PRORP: variants seen among roughly 807,000 people sequenced by gnomAD.
PRORP encodes mitochondrial ribonuclease P catalytic subunit.
Under a neutral mutation model 59.4 loss-of-function variants are expected in PRORP, and 51 were observed. The ratio of observed to expected loss-of-function variants is 0.86; its 90% CI spans 0.69 to 1.08. PRORP has a LOEUF of 1.08. PRORP is among the 50% of genes least tolerant of loss of function. The pLI is 0.00. For synonymous variants in PRORP, 231 were observed against 245.6 expected (o/e 0.94, Z 0.55); for missense variants, 646 against 690.3 (o/e 0.94, Z 0.72).
chr14:35,247,334 A>G (rs1018981250), intron 5 of PRORP, among the ~76,000 whole-genome samples: 1 of 151,432 alleles, frequency 6.6e-6, no homozygotes, highest in African/African-American at 2.4e-5. Flanking sequence ...TTCTCTTACT[A>G]TTTTTTCTGC....
intron 5 of PRORP, chr14:35,222,807 G>A (rs2049823351): frequency 6.6e-6 from 1 of 152,160 alleles, no homozygotes; most frequent in South Asian, 2.1e-4. Context: ...ATAGTTTACT[G>A]AGTTTGTGCC....
chr14:35,157,885 A>G (rs900856770), intron 4 of PRORP: 1 of 164,558 alleles, frequency 6.1e-6, no homozygotes, highest in Non-Finnish European at 1.3e-5. Flanking sequence ...ATAATACGTA[A>G]CTATTGATCA....
chr14:35,201,510 A>T (rs1438356532), intron 5 of PRORP, among the ~76,000 whole-genome samples: 1 of 151,884 alleles, frequency 6.6e-6, no homozygotes, highest in Non-Finnish European at 1.5e-5. Flanking sequence ...TGCTGCTCAC[A>T]GTGTTCTACC....
Position 35,137,626 on chromosome 14 carries a change from G to C in PRORP, c.1167+10015G>C, listed in dbSNP as rs141276504. Among the ~76,000 whole-genome samples, 875 of 145,336 alleles carry C rather than the reference G, an allele frequency of 6.0e-3. 119 individuals carry two copies. Among genetic ancestry groups the C allele is most frequent in the Non-Finnish European group, 0.01 (684 of 65,372 alleles). ...AGGGTGGGTGCTGAGGTTTGAATCT[G>C]TGAATCTGTAGACATTACTCTGTGT... On this transcript the variant is annotated intron_variant, in intron 4 of 7. Transcript: ENST00000534898.
intron 5 of PRORP, among the ~76,000 whole-genome samples, chr14:35,196,597 T>C (rs960940847): frequency 2.0e-5 from 3 of 152,202 alleles, no homozygotes; most frequent in Non-Finnish European, 2.9e-5. Flanking sequence ...TATAAGTGAC[T>C]TGAGGAAACA....
At chr14:35,206,563 C>G (rs1176735730) in intron 5 of PRORP, among the ~76,000 whole-genome samples, 1 of 152,154 alleles carries the variant, frequency 6.6e-6, no homozygotes, top group East Asian at 1.9e-4. Context: ...CTTTGTAATT[C>G]GAGATGATAG....
chr14:35,179,526 G>A (rs532196552), intron 4 of PRORP, among the ~76,000 whole-genome samples: 9 of 151,924 alleles, frequency 5.9e-5, no homozygotes, highest in African/African-American at 1.9e-4. Context: ...CCAGTTGATC[G>A]AGTCGGTTAC....
chr14:35,141,455 A>G lies in PRORP; in HGVS notation c.1167+13844A>G, dbSNP rs530572033. Among the ~76,000 whole-genome samples the G allele has an allele frequency of 1.7e-4, 24 of 143,320 alleles. 5 individuals are homozygous for G. The highest frequency in any genetic ancestry group is 3.1e-4 in the Non-Finnish European group (20 of 64,810). The allele number at this position is 143,320 out of a possible 152,430, so 94.0% of individuals were successfully genotyped here. On this transcript the variant is annotated intron_variant, in intron 4 of 7. Transcript: ENST00000534898. ...TTTTATTTTAATTTTTTCTGTAGAGACGGGGTCTCACTATGTTGCCTAGGC... is the reference window on the plus strand; with the variant it reads ...TTTTATTTTAATTTTTTCTGTAGAGGCGGGGTCTCACTATGTTGCCTAGGC...
At chr14:35,238,928 G>C (rs79547878) in intron 5 of PRORP, among the ~76,000 whole-genome samples, 2,271 of 152,210 alleles carry the variant, frequency 0.015, 69 homozygotes, top group African/African-American at 0.052. Context: ...ACAGCTTATA[G>C]AGTCCTTTCA....
chr14:35,240,260 C>T (rs1187647251), intron 5 of PRORP, among the ~76,000 whole-genome samples: 1 of 149,242 alleles, frequency 6.7e-6, no homozygotes, highest in Non-Finnish European at 1.5e-5. Context: ...ACTGTGGTTC[C>T]TGCTTCCTGG....
chr14:35,262,823 C>T, intron 5 of PRORP: 1 of 1,454,112 alleles, frequency 6.9e-7, no homozygotes, highest in East Asian at 2.3e-5. Flanking sequence ...GTGAAAAATA[C>T]ATCCTCAGGG....
intron 4 of PRORP, among the ~76,000 whole-genome samples, chr14:35,138,724 A>G (rs1237855740): frequency 2.1e-5 from 3 of 145,274 alleles, no homozygotes; most frequent in African/African-American, 7.3e-5. Flanking sequence ...GCGGCTTTCA[A>G]CTGTGGCTGC....
chr14:35,130,899 C>T (rs2047222992), intron 4 of PRORP, among the ~76,000 whole-genome samples: 1 of 152,022 alleles, frequency 6.6e-6, no homozygotes, highest in Non-Finnish European at 1.5e-5. Context: ...CTTGGCCTCC[C>T]AAAGTGCTGG....
chr14:35,129,623 C>T (rs537867358), intron 4 of PRORP, among the ~76,000 whole-genome samples: 6 of 151,994 alleles, frequency 3.9e-5, no homozygotes, highest in Non-Finnish European at 7.4e-5. Flanking sequence ...TACAGGCGCA[C>T]ACCACCATGC....
intron 5 of PRORP, among the ~76,000 whole-genome samples, chr14:35,198,737 A>C (rs1282982549): frequency 6.6e-6 from 1 of 152,226 alleles, no homozygotes; most frequent in Non-Finnish European, 1.5e-5. Context: ...ATGTCTGTTA[A>C]ATAATTATAG....
intron 5 of PRORP, among the ~76,000 whole-genome samples, chr14:35,205,549 T>A (rs2049270790): frequency 5.3e-5 from 8 of 152,192 alleles, no homozygotes; most frequent in Admixed American, 5.2e-4. Flanking sequence ...CTCGAACTCC[T>A]GGGCTCAAGC....
intron 4 of PRORP, among the ~76,000 whole-genome samples, chr14:35,153,159 T>A (rs962782011): frequency 2.6e-5 from 4 of 152,228 alleles, no homozygotes; most frequent in South Asian, 4.1e-4. Context: ...AGGCCGAGGC[T>A]GGCGGATCAC....
intron 4 of PRORP, among the ~76,000 whole-genome samples, chr14:35,138,363 G>C (rs946984876): frequency 6.9e-6 from 1 of 145,472 alleles, no homozygotes; most frequent in Non-Finnish European, 1.5e-5. Context: ...CCGTAATACC[G>C]TTCATTGTAA....
chr14:35,276,453 C>G lies in PRORP; in HGVS notation c.*2887C>G, dbSNP rs1029122512. ...TCTAATACTGTTTAGAAACAAAACC[C>G]TAACTTCTGCTTGAGATAAACTGAA... On this transcript the variant is annotated 3_prime_UTR_variant, in exon 8 of 8. Coordinates refer to ENST00000534898, the MANE Select transcript of PRORP (RefSeq NM_014672.4). 5.9e-5 allele frequency: 9 copies of G among 151,950 alleles called. No homozygotes were observed. The highest frequency in any genetic ancestry group is 2.2e-4 in the African/African-American group (9 of 41,460). The allele number at this position is 151,950 out of a possible 1,614,324, so 9.4% of individuals were successfully genotyped here. A position where few individuals can be genotyped will look rare whatever the true frequency, so the allele number is the denominator to read the frequency against.
Sources: gnomAD v4.1 joint callset for allele counts (sites outside exome capture counted in the v4.1 genomes callset) on GRCh38, gnomAD v4.1.1 for gene constraint, MANE v1.5 for transcripts, NCBI Gene and HGNC (gene_info 2026-07-23, HGNC 2026-07-21) for gene names.